The following COL28A1 variants were observed in gnomAD, a reference collection of about 807,000 sequenced individuals.
COL28A1 encodes collagen type XXVIII alpha 1 chain, also known as collagen alpha-1(XXVIII) chain.
COL28A1 carries 161 observed loss-of-function variants against 150.2 expected under a neutral mutation model. That is an observed-to-expected ratio of 1.07 (90% CI 0.94 to 1.22). The LOEUF is 1.22. COL28A1 is among the 50% of genes most tolerant of loss of function. The probability of loss-of-function intolerance (pLI) is 0.00; values close to 1 mark genes in which losing one functional copy is unlikely to be tolerated. For synonymous variants in COL28A1, 552 were observed against 469.7 expected, an observed-to-expected ratio of 1.18 and a Z score of -2.26; for missense variants, 1,617 against 1,388.3, an observed-to-expected ratio of 1.16 and a Z score of -2.62.
In COL28A1 at chr7:7,453,503, G is replaced by T; in HGVS notation, c.1377C>A (p.Ile459=). 1 of 1,096,864 alleles carries T rather than the reference G, an allele frequency of 9.1e-7. No individual in the cohort carries two copies. The highest frequency in any genetic ancestry group is 1.4e-6 in the Non-Finnish European group (1 of 717,142). 67.9% of individuals were successfully genotyped at this position (1,096,864 alleles called of 1,614,324 possible). A position where few individuals can be genotyped will look rare whatever the true frequency, so the allele number is the denominator to read the frequency against. Residue 459 remains isoleucine, a synonymous_variant, in exon 17 of 35, where the codon ATC becomes ATA. Transcript: ENST00000399429. ...PGIGSQGEQG[I]QGPIGPPGPQ... is the part of the protein sequence containing the mutation. ...GACCAGGTGGACCAATAGGACCTTG[G>T]ATTCCCTTTAAAATAAAATTTTATA...
chr7:7,464,585 G>T (rs763697021), intron 15 of COL28A1, among the ~76,000 whole-genome samples: 1 of 152,188 alleles, frequency 6.6e-6, no homozygotes, highest in Admixed American at 6.6e-5. Context: ...ATGAAATCAA[G>T]ATGGAAATTT....
intron 33 of COL28A1, among the ~76,000 whole-genome samples, chr7:7,362,639 C>A (rs1780729227): frequency 6.6e-6 from 1 of 151,992 alleles, no homozygotes; most frequent in East Asian, 1.9e-4. Flanking sequence ...TGGTCATTAG[C>A]CCTATATAAA....
At chr7:7,492,986 C>G (rs994761303) in intron 11 of COL28A1, among the ~76,000 whole-genome samples, 1 of 146,822 alleles carries the variant, frequency 6.8e-6, no homozygotes, top group African/African-American at 2.5e-5. Context: ...TTATATATAC[C>G]TGTTATATAA....
chr7:7,477,282 G>T, intron 13 of COL28A1, 102 bp from the exon 14 acceptor site: 1 of 710,228 alleles, frequency 1.4e-6, no homozygotes. Context: ...TTATATTTCA[G>T]TTTACATGCC....
intron 27 of COL28A1, among the ~76,000 whole-genome samples, chr7:7,409,176 A>C (rs1783648249): frequency 6.6e-6 from 1 of 152,152 alleles, no homozygotes; most frequent in African/African-American, 2.4e-5. Context: ...GATGGAGAAA[A>C]ATTTATACTA....
chr7:7,475,659 T>C (rs546906035), intron 14 of COL28A1, among the ~76,000 whole-genome samples: 1 of 152,358 alleles, frequency 6.6e-6, no homozygotes, highest in South Asian at 2.1e-4. Context: ...CATTTATTTC[T>C]TTCTCTTTAA....
intron 6 of COL28A1, among the ~76,000 whole-genome samples, chr7:7,518,820 A>G (rs1272481818): frequency 6.6e-6 from 1 of 152,208 alleles, no homozygotes; most frequent in Admixed American, 6.5e-5. Context: ...CAAAGTTTCT[A>G]AAATGTAAGT....
intron 20 of COL28A1, 89 bp downstream of exon 20, chr7:7,443,492 TAGTA>T (rs1785977339): frequency 6.4e-7 from 1 of 1,558,508 alleles, no homozygotes; most frequent in African/African-American, 1.4e-5. Flanking sequence ...CACATTGACA[TAGTA>T]AGAATAACAA....
intron 27 of COL28A1, among the ~76,000 whole-genome samples, chr7:7,400,867 T>C (rs1158003854): frequency 1.3e-5 from 2 of 152,044 alleles, no homozygotes; most frequent in Non-Finnish European, 2.9e-5. Context: ...ACAAGAATAA[T>C]ACAAATATTT....
chr7:7,358,879 G>A (rs766473210), intron 34 of COL28A1, 74 bp from the exon 35 acceptor site: 13 of 1,228,732 alleles, frequency 1.1e-5, no homozygotes, highest in Non-Finnish European at 1.2e-5. Context: ...ACTGTATAAA[G>A]TTATATAAAT....
intron 13 of COL28A1, among the ~76,000 whole-genome samples, chr7:7,485,721 C>G (rs746693482): frequency 1.8e-4 from 27 of 152,086 alleles, no homozygotes; most frequent in Non-Finnish European, 3.4e-4. Context: ...GTTAAAAAGA[C>G]TATGTTTCCT....
At chr7:7,444,702 A>G (rs1055892437) in intron 18 of COL28A1, among the ~76,000 whole-genome samples, 2 of 152,096 alleles carry the variant, frequency 1.3e-5, no homozygotes, top group Non-Finnish European at 2.9e-5. Flanking sequence ...CCCCAAAAAG[A>G]TATGTTGACA....
intron 15 of COL28A1, among the ~76,000 whole-genome samples, chr7:7,462,244 G>A (rs571031140): frequency 6.6e-6 from 1 of 152,302 alleles, no homozygotes; most frequent in South Asian, 2.1e-4. Flanking sequence ...TTGAGCCCTG[G>A]AACTTCCCTC....
At chr7:7,506,879 G>C (rs957700209) in intron 10 of COL28A1, among the ~76,000 whole-genome samples, 3 of 152,056 alleles carry the variant, frequency 2.0e-5, no homozygotes, top group African/African-American at 7.3e-5. Flanking sequence ...ACTAATACTT[G>C]CCTGTTGGTA....
chr7:7,530,590 T>C (rs77707692), intron 3 of COL28A1, among the ~76,000 whole-genome samples: 2,535 of 152,252 alleles, frequency 0.017, 73 homozygotes, highest in African/African-American at 0.058. Flanking sequence ...CTAGGCGTTT[T>C]CTCCTTGAGA....
At chr7:7,474,036 CTA>C (rs979025149) in intron 15 of COL28A1, among the ~76,000 whole-genome samples, 1 of 138,782 alleles carries the variant, frequency 7.2e-6, no homozygotes, top group African/African-American at 2.9e-5. Flanking sequence ...TGATGGAATA[CTA>C]TATATATACT....
intron 15 of COL28A1, 69 bp downstream of exon 15, chr7:7,474,532 T>C: frequency 2.5e-6 from 2 of 799,302 alleles, no homozygotes; most frequent in Middle Eastern, 2.3e-4. Flanking sequence ...AGTTCAGAAA[T>C]GTACATACAT....
intron 20 of COL28A1, among the ~76,000 whole-genome samples, chr7:7,442,444 C>G (rs367760198): frequency 6.6e-6 from 1 of 152,162 alleles, no homozygotes; most frequent in Non-Finnish European, 1.5e-5. Context: ...GTTAGCAGAT[C>G]GGCATTTCTA....
chr7:7,338,731 A>T, the COL28A1 span, among the ~76,000 whole-genome samples: 1 of 151,876 alleles, frequency 6.6e-6, no homozygotes, highest in Non-Finnish European at 1.5e-5. Context: ...CTTTACATCT[A>T]CTTATGTGCT....
Sources: gnomAD v4.1 joint callset for allele counts (sites outside exome capture counted in the v4.1 genomes callset) on GRCh38, gnomAD v4.1.1 for gene constraint, MANE v1.5 for transcripts, NCBI Gene and HGNC (gene_info 2026-07-23, HGNC 2026-07-21) for gene names.